Variants in TNKS observed in about 807,000 individuals in gnomAD.
The protein encoded by TNKS is poly [ADP-ribose] polymerase tankyrase-1.
A neutral mutation model predicts 135.8 loss-of-function variants in TNKS; 72 were observed. That is an observed-to-expected ratio of 0.53 (90% CI 0.44 to 0.64). The LOEUF (loss-of-function observed/expected upper bound fraction) is 0.64, where lower values mean the gene tolerates loss of function less well. Among genes scored for constraint, TNKS ranks in the 30% least tolerant of loss-of-function variants. The probability of loss-of-function intolerance (pLI) is 0.00; values close to 1 mark genes in which losing one functional copy is unlikely to be tolerated. For missense variants in TNKS, 1,769 were observed against 1,674.0 expected (o/e 1.06, Z -0.99); for synonymous variants, 849 against 649.3 (o/e 1.31, Z -4.68).
intron 5 of TNKS, among the ~76,000 whole-genome samples, chr8:9,701,230 C>T (rs1388769461): frequency 6.6e-6 from 1 of 152,306 alleles, no homozygotes; most frequent in East Asian, 1.9e-4. Context: ...AGCCACCATG[C>T]CCGACCTGCC....
At chr8:9,600,330 T>C (rs1267977678) in intron 2 of TNKS, among the ~76,000 whole-genome samples, 1 of 152,154 alleles carries the variant, frequency 6.6e-6, no homozygotes, top group East Asian at 1.9e-4. Context: ...GTGGGGTTTT[T>C]TGAGATGGGG....
chr8:9,742,666 TG>T (rs1280173892), intron 17 of TNKS, among the ~76,000 whole-genome samples: 1 of 150,760 alleles, frequency 6.6e-6, no homozygotes, highest in Non-Finnish European at 1.5e-5. Flanking sequence ...GAGACCAGCC[TG>T]GGCGACATAG....
intron 1 of TNKS, among the ~76,000 whole-genome samples, chr8:9,565,833 G>A (rs1383186120): frequency 6.6e-6 from 1 of 151,852 alleles, no homozygotes; most frequent in African/African-American, 2.4e-5. Context: ...CTCCAGCCTG[G>A]GTGACAGAGC....
chr8:9,579,356 G>A (rs1183188025), intron 1 of TNKS, among the ~76,000 whole-genome samples: 2 of 152,100 alleles, frequency 1.3e-5, no homozygotes, highest in African/African-American at 4.8e-5. Context: ...CTTTGACCAA[G>A]CGTTCACCAT....
At chr8:9,729,626 C>T (rs1163053729) in intron 13 of TNKS, among the ~76,000 whole-genome samples, 1 of 152,120 alleles carries the variant, frequency 6.6e-6, no homozygotes, top group Non-Finnish European at 1.5e-5. Context: ...CCCTTACCAA[C>T]TGTTTGACAA....
chr8:9,722,609 C>T (rs1472904901), intron 12 of TNKS: 1 of 149,868 alleles, frequency 6.7e-6, no homozygotes, highest in Non-Finnish European at 1.5e-5. Flanking sequence ...AGTGATAGAA[C>T]ATTTGCTTAA....
At chr8:9,605,030 A>C (rs1799161741) in intron 2 of TNKS, among the ~76,000 whole-genome samples, 2 of 152,060 alleles carry the variant, frequency 1.3e-5, no homozygotes, top group Admixed American at 1.3e-4. Context: ...ATCAAGTTTG[A>C]AGTAATGAAA....
chr8:9,769,575 C>G (rs1563223297), intron 25 of TNKS, among the ~76,000 whole-genome samples: 2 of 146,568 alleles, frequency 1.4e-5, no homozygotes, highest in Non-Finnish European at 3.0e-5. Flanking sequence ...GGTTTTTTCC[C>G]TTTTTCCACC....
chr8:9,586,214 T>C (rs963795495), intron 2 of TNKS, among the ~76,000 whole-genome samples: 1 of 152,170 alleles, frequency 6.6e-6, no homozygotes, highest in Non-Finnish European at 1.5e-5. Context: ...AAAATAGAGA[T>C]CTGATGGTAT....
At chr8:9,645,595 C>T (rs1321992164) in intron 3 of TNKS, among the ~76,000 whole-genome samples, 1 of 152,028 alleles carries the variant, frequency 6.6e-6, no homozygotes. Flanking sequence ...TATATTAGTG[C>T]TGGGGGACTA....
rs1410977188 is a variant in TNKS at position 9,780,320 on chromosome 8, A to C, written c.*3584A>C. ...GAATCCCTCTTGTGTGATATCTGTG[A>C]CAAATAGCCTTCTTCTTGTGTTTTC... On this transcript the variant is annotated 3_prime_UTR_variant, in exon 27 of 27. Coordinates refer to ENST00000310430, the MANE Select transcript of TNKS (RefSeq NM_003747.3). 1 of 151,896 alleles carries C rather than the reference A, an allele frequency of 6.6e-6. No homozygotes were observed. Among genetic ancestry groups the C allele is most frequent in the Non-Finnish European group, 1.5e-5 (1 of 68,024 alleles). The allele number at this position is 151,896 out of a possible 1,614,324, so 9.4% of individuals were successfully genotyped here. A position where few individuals can be genotyped will look rare whatever the true frequency, so the allele number is the denominator to read the frequency against.
chr8:9,586,905 G>GA (rs1398790282), intron 2 of TNKS, among the ~76,000 whole-genome samples: 1 of 152,050 alleles, frequency 6.6e-6, no homozygotes, highest in Admixed American at 6.6e-5. Flanking sequence ...GAAGAACAAT[G>GA]AAACAGGAGT....
At chr8:9,745,031 C>T (rs1022834088) in intron 17 of TNKS, among the ~76,000 whole-genome samples, 5 of 152,170 alleles carry the variant, frequency 3.3e-5, no homozygotes, top group African/African-American at 1.2e-4. Context: ...ATTATTCGGC[C>T]TGTAAACATG....
chr8:9,608,285 T>C (rs944037139), intron 2 of TNKS, among the ~76,000 whole-genome samples: 4 of 152,210 alleles, frequency 2.6e-5, no homozygotes, highest in African/African-American at 7.2e-5. Context: ...TCAGTGCAAA[T>C]GTTAATATAA....
intron 11 of TNKS, among the ~76,000 whole-genome samples, chr8:9,718,999 A>G (rs1290217047): frequency 2.0e-5 from 3 of 152,218 alleles, no homozygotes; most frequent in Non-Finnish European, 4.4e-5. Context: ...AATGTTCACA[A>G]TTTTAGATTT....
chr8:9,706,242 C>G lies in TNKS; in HGVS notation c.1258C>G (p.Leu420Val). ...ATATGGACATTATGAAGTCACAGAA[C>G]TGCTACTAAAGGTAAGAGAAATTCA... ...CSYGHYEVTE[L>V]LLKHGACVNA... Residue 420 changes from leucine (L) to valine (V), a missense_variant, in exon 7 of 27, where the codon CTG (leucine) becomes GTG (valine). Around this residue, in one of 5 missense-constraint regions of TNKS, gnomAD observed 523 missense variants for 541.0 expected, o/e 0.97. Coordinates refer to ENST00000310430, the MANE Select transcript of TNKS (RefSeq NM_003747.3). 2 of 1,569,288 alleles carry G rather than the reference C, an allele frequency of 1.3e-6. No individual in the cohort carries two copies. Among genetic ancestry groups the G allele is most frequent in the East Asian group, 2.4e-5 (1 of 41,838 alleles).
intron 20 of TNKS, among the ~76,000 whole-genome samples, chr8:9,759,745 C>T (rs988872464): frequency 5.3e-5 from 8 of 152,012 alleles, no homozygotes; most frequent in Non-Finnish European, 8.8e-5. Context: ...GAGGCCAAGA[C>T]GGGCAGATCA....
intron 3 of TNKS, among the ~76,000 whole-genome samples, chr8:9,667,326 A>G (rs1802042369): frequency 6.6e-6 from 1 of 152,264 alleles, no homozygotes; most frequent in Non-Finnish European, 1.5e-5. Flanking sequence ...CTCAGGATAT[A>G]TGAACAAAGC....
chr8:9,566,801 G>A lies in TNKS; in HGVS notation c.673+10189G>A, dbSNP rs372773099. Among the ~76,000 whole-genome samples the A allele has an allele frequency of 3.9e-4, 59 of 151,176 alleles. No individual in the cohort carries two copies. In the South Asian group the frequency reaches 0.012, roughly 31 times the overall value. On this transcript the variant is annotated intron_variant, in intron 1 of 26. Coordinates refer to ENST00000310430, the MANE Select transcript of TNKS (RefSeq NM_003747.3). The stretch of plus-strand genomic sequence containing the variant: ...TTTTTTGTATTTTTAGTAGAGACGG[G>A]GTTTCACCTTGTTAGCCAGGATGGT...
Sources: allele counts gnomAD v4.1 joint callset (sites outside exome capture counted in the v4.1 genomes callset), GRCh38; gene constraint gnomAD v4.1.1; regional missense constraint gnomAD v4.1.1; transcripts MANE v1.5; gene names NCBI Gene and HGNC (gene_info 2026-07-23, HGNC 2026-07-21).